INPP4A: variants seen among roughly 807,000 people sequenced by gnomAD.
The protein encoded by INPP4A is inositol polyphosphate-4-phosphatase type I A.
INPP4A carries 33 observed loss-of-function variants against 119.8 expected under a neutral mutation model. The ratio of observed to expected loss-of-function variants is 0.28; its 90% confidence interval spans 0.21 to 0.37. The LOEUF (loss-of-function observed/expected upper bound fraction) is 0.37. Among genes scored for constraint, INPP4A ranks in the 10% least tolerant of loss-of-function variants. The pLI, the probability that INPP4A is intolerant of heterozygous loss-of-function variation, is 1.00. For synonymous variants in INPP4A, 496 were observed against 500.7 expected, an observed-to-expected ratio of 0.99 and a Z score of 0.12; for missense variants, 956 against 1,289.9, an observed-to-expected ratio of 0.74 and a Z score of 3.97.
intron 17 of INPP4A, 60 bp from the exon 18 acceptor site, chr2:98,563,405 C>A: frequency 1.3e-6 from 2 of 1,501,238 alleles, no homozygotes; most frequent in Non-Finnish European, 1.8e-6. Context: ...TGTTAAATTG[C>A]CAGAACCTAA....
intron 4 of INPP4A, among the ~76,000 whole-genome samples, chr2:98,531,914 C>CA (rs897080282): frequency 2.0e-5 from 3 of 152,198 alleles, no homozygotes; most frequent in Admixed American, 1.3e-4. Flanking sequence ...TTGGGGTAAA[C>CA]ATCTGGGTTA....
rs77490158 is a variant in INPP4A, at chr2:98,489,277, G to A, written c.-165-29687G>A. On this transcript the variant is annotated intron_variant, in intron 1 of 24. Transcript: ENST00000409851. ...CAGTGGATACCAGGAGTTCAGGGGC[G>A]GGTGACTGGGTAACTTGGAAATACA... Among the ~76,000 whole-genome samples, 447 of 152,170 alleles carry A rather than the reference G, an allele frequency of 2.9e-3. 4 individuals carry two copies. The highest frequency in any genetic ancestry group is 0.01 in the East Asian group (52 of 5,174).
intron 1 of INPP4A, among the ~76,000 whole-genome samples, chr2:98,458,146 C>G (rs1402310512): frequency 6.6e-6 from 1 of 152,012 alleles, no homozygotes; most frequent in East Asian, 1.9e-4. Context: ...AAGGCTTGAG[C>G]CTGGGCAAAA....
chr2:98,521,335 C>A, intron 4 of INPP4A: 1 of 152,436 alleles, frequency 6.6e-6, no homozygotes, highest in Non-Finnish European at 1.5e-5. Context: ...CAATGCTACC[C>A]AGCGCTCCTC....
intron 18 of INPP4A, 25 bp from the exon 19 acceptor site, chr2:98,564,615 A>C: frequency 6.2e-7 from 1 of 1,612,196 alleles, no homozygotes; most frequent in Non-Finnish European, 8.5e-7. Context: ...CTGACCCTGA[A>C]CCTCTTCACC....
At chr2:98,548,993 A>C in intron 13 of INPP4A, 3 of 1,610,140 alleles carry the variant, frequency 1.9e-6, no homozygotes, top group Non-Finnish European at 2.5e-6. Flanking sequence ...CTGTGGAGAG[A>C]GTGTCTGTTT....
chr2:98,519,303 C>G (rs1351247645), intron 2 of INPP4A: 1 of 152,240 alleles, frequency 6.6e-6, no homozygotes, highest in Admixed American at 6.5e-5. Context: ...CTCTGGAGCT[C>G]TGAGCCATGT....
In INPP4A at chr2:98,572,666, TC is replaced by T. The variant is rs1697679075; in HGVS notation, c.2519-147del. 5.2e-6 allele frequency: 3 copies of T among 580,728 alleles called. No homozygotes were observed. The Admixed American group carries it at 9.0e-5, about 17-fold the overall frequency. The allele number at this position is 580,728 out of a possible 1,614,324, so 36.0% of individuals were successfully genotyped here. ...AGTGCTCACCACACCAGCAGCCATGTCCTATCCCCAAACACCTCCATCCCTT... is the reference window on the plus strand; with the variant it reads ...AGTGCTCACCACACCAGCAGCCATGTCTATCCCCAAACACCTCCATCCCTT... On this transcript the variant is annotated intron_variant, in intron 22 of 24. Transcript: ENST00000409851.
intron 1 of INPP4A, among the ~76,000 whole-genome samples, chr2:98,515,591 G>A (rs1011951475): frequency 6.2e-4 from 95 of 152,216 alleles, no homozygotes; most frequent in African/African-American, 1.6e-3. Context: ...GACCTCATCC[G>A]TGCAACTCCT....
Position 98,533,420 on chromosome 2 carries a change from T to C in INPP4A, c.195T>C (p.Asn65=), listed in dbSNP as rs759257972. The part of the protein sequence containing the change: ...LHTPSLDRKP[N]SFVAVSVTTP... ...CTCCATCGCTAGATCGAAAGCCAAA[T>C]AGTTTTGTTGCGGTGAGTGTCACCA... The change falls in exon 5 of 25, where the codon AAT becomes AAC. Residue 65 remains asparagine (N), a synonymous_variant. Transcript: ENST00000409851. The C allele has an allele frequency of 2.5e-6, 4 of 1,613,764 alleles. No homozygotes were observed. Among genetic ancestry groups the C allele is most frequent in the Non-Finnish European group, 3.4e-6 (4 of 1,179,836 alleles).
At position 98,554,505 on chromosome 2, in the gene INPP4A, T is replaced by C. The variant is rs752298812; in HGVS notation, c.1566+16T>C. 1 of 1,607,070 alleles carries C rather than the reference T, an allele frequency of 6.2e-7. No individual in the cohort carries two copies. Among genetic ancestry groups the C allele is most frequent in the Non-Finnish European group, 8.5e-7 (1 of 1,175,702 alleles). Reference sequence around the variant, plus strand: ...GGAGGAGTGGGTGAGTCTGCTGCTGTGGCTGTCATCCCACTGCTGAACTTG... The same window carrying C: ...GGAGGAGTGGGTGAGTCTGCTGCTGCGGCTGTCATCCCACTGCTGAACTTG... On this transcript the variant is annotated intron_variant, in intron 15 of 24. Transcript: ENST00000409851. This position sits in a 1 kb window ranked among gnomAD's most constrained non-coding sequence, Gnocchi z 4.7.
chr2:98,550,164 C>G (rs565189935), intron 13 of INPP4A, among the ~76,000 whole-genome samples: 27 of 152,212 alleles, frequency 1.8e-4, no homozygotes, highest in African/African-American at 6.5e-4. Context: ...TGAGGACCCT[C>G]CATAGCCCAA....
chr2:98,567,550 C>T (rs1268135909), intron 21 of INPP4A, among the ~76,000 whole-genome samples: 1 of 152,202 alleles, frequency 6.6e-6, no homozygotes, highest in Admixed American at 6.5e-5. Flanking sequence ...CATCCAGTAG[C>T]TGCGGATCCC....
chr2:98,518,509 T>C (rs935908549), intron 1 of INPP4A, among the ~76,000 whole-genome samples: 1 of 152,254 alleles, frequency 6.6e-6, no homozygotes, highest in Non-Finnish European at 1.5e-5. Context: ...AGCAGCAGCA[T>C]TGTGGGAACT....
chr2:98,497,781 G>T (rs991578276), intron 1 of INPP4A, among the ~76,000 whole-genome samples: 4 of 152,166 alleles, frequency 2.6e-5, no homozygotes, highest in African/African-American at 9.7e-5. Flanking sequence ...TCTTGCATCA[G>T]CATGACCTGG....
At chr2:98,467,790 T>A (rs1675099464) in intron 1 of INPP4A, among the ~76,000 whole-genome samples, 2 of 152,252 alleles carry the variant, frequency 1.3e-5, no homozygotes, top group Admixed American at 1.3e-4. Flanking sequence ...ATGAGTTGAA[T>A]AGTTATCTAT....
At chr2:98,461,972 A>T (rs534667026) in intron 1 of INPP4A, among the ~76,000 whole-genome samples, 35 of 152,192 alleles carry the variant, frequency 2.3e-4, no homozygotes, top group Non-Finnish European at 4.7e-4. Flanking sequence ...CCTTGCTCTG[A>T]GGTCTGGGCC....
chr2:98,475,613 G>A (rs1677044995), intron 1 of INPP4A, among the ~76,000 whole-genome samples: 1 of 152,172 alleles, frequency 6.6e-6, no homozygotes, highest in African/African-American at 2.4e-5. Context: ...CAGATACTTT[G>A]TTTTTTTGCT....
intron 1 of INPP4A, among the ~76,000 whole-genome samples, chr2:98,454,735 G>T (rs1283663769): frequency 7.5e-6 from 1 of 132,892 alleles, no homozygotes; most frequent in Non-Finnish European, 1.6e-5. Context: ...GACATCCAGC[G>T]AAGTTGAGAG....
Sources: allele counts gnomAD v4.1 joint callset (sites outside exome capture counted in the v4.1 genomes callset), GRCh38; gene constraint gnomAD v4.1.1; non-coding constraint Gnocchi (gnomAD v3.1); transcripts MANE v1.5; gene names NCBI Gene and HGNC (gene_info 2026-07-23, HGNC 2026-07-21).